The following TENM4 variants were observed in gnomAD, a reference collection of about 807,000 sequenced individuals.
TENM4 encodes the protein teneurin-4.
TENM4 carries 82 observed loss-of-function variants against 243.3 expected under a neutral mutation model. That is an observed-to-expected ratio of 0.34 (90% CI 0.28 to 0.40). The LOEUF is 0.40. Among genes scored for constraint, TENM4 ranks in the 10% least tolerant of loss-of-function variants. The pLI, the probability that TENM4 is intolerant of heterozygous loss-of-function variation, is 1.00. For missense variants in TENM4, 3,138 were observed against 3,673.3 expected, an observed-to-expected ratio of 0.85 and a Z score of 3.77; for synonymous variants, 1,412 against 1,456.3, an observed-to-expected ratio of 0.97 and a Z score of 0.69.
intron 19 of TENM4, among the ~76,000 whole-genome samples, chr11:78,742,717 C>T (rs996074522): frequency 2.0e-5 from 3 of 152,184 alleles, no homozygotes; most frequent in South Asian, 2.1e-4. Flanking sequence ...CCCTTGCCGA[C>T]GCCAACAAGG....
intron 4 of TENM4, among the ~76,000 whole-genome samples, chr11:79,084,322 C>T (rs751783482): frequency 1.2e-4 from 18 of 152,186 alleles, no homozygotes. Context: ...TTTCTTAGAA[C>T]ACTAAATATG....
intron 2 of TENM4, among the ~76,000 whole-genome samples, chr11:79,291,060 G>A (rs1326784516): frequency 6.6e-6 from 1 of 152,272 alleles, no homozygotes; most frequent in Admixed American, 6.5e-5. Context: ...GCCACTGCAA[G>A]AAAACCAGGG....
chr11:79,065,324 C>A (rs1324095788), intron 5 of TENM4, among the ~76,000 whole-genome samples: 3 of 152,198 alleles, frequency 2.0e-5, no homozygotes, highest in Admixed American at 2.0e-4. Flanking sequence ...GTCCTTGGGC[C>A]TGGTCATACT....
chr11:79,387,657 C>T (rs904810262), intron 1 of TENM4, among the ~76,000 whole-genome samples: 1 of 152,100 alleles, frequency 6.6e-6, no homozygotes, highest in Admixed American at 6.5e-5. Context: ...TTGAAACTCT[C>T]TAATATCCTC....
chr11:79,420,611 CA>C (rs1489816956), intron 1 of TENM4, among the ~76,000 whole-genome samples: 1 of 151,978 alleles, frequency 6.6e-6, no homozygotes, highest in East Asian at 1.9e-4. Flanking sequence ...AGACTTTCTG[CA>C]GCATGAAAAT....
intron 4 of TENM4, among the ~76,000 whole-genome samples, chr11:79,132,745 G>T (rs1168371472): frequency 6.6e-6 from 1 of 152,068 alleles, no homozygotes; most frequent in Non-Finnish European, 1.5e-5. Flanking sequence ...CTCTGAATGA[G>T]CACTGAGTCA....
chr11:78,677,729 T>C (rs1465577780), intron 29 of TENM4, among the ~76,000 whole-genome samples: 1 of 151,958 alleles, frequency 6.6e-6, no homozygotes, highest in Non-Finnish European at 1.5e-5. Flanking sequence ...AATATACATA[T>C]GATTTGAAAT....
intron 6 of TENM4, among the ~76,000 whole-genome samples, chr11:78,970,034 C>T (rs1216448106): frequency 1.3e-5 from 2 of 152,344 alleles, no homozygotes; most frequent in African/African-American, 2.4e-5. Flanking sequence ...ATAGGGCATT[C>T]AGTTGCTTCA....
intron 3 of TENM4, among the ~76,000 whole-genome samples, chr11:79,195,907 G>A (rs1462371790): frequency 6.6e-6 from 1 of 152,148 alleles, no homozygotes; most frequent in African/African-American, 2.4e-5. Context: ...AACTTGAATT[G>A]TATCTTCCAG....
chr11:79,153,470 C>CT (rs1205165757), intron 3 of TENM4, among the ~76,000 whole-genome samples: 1 of 149,602 alleles, frequency 6.7e-6, no homozygotes, highest in Non-Finnish European at 1.5e-5. Context: ...AGTCACCCAG[C>CT]AGAACAATCA....
At chr11:78,698,007 T>C (rs777569110) in intron 28 of TENM4, among the ~76,000 whole-genome samples, 11 of 152,204 alleles carry the variant, frequency 7.2e-5, no homozygotes, top group Non-Finnish European at 1.6e-4. Context: ...ACCTTGATTC[T>C]CCAAAACTGT....
At chr11:78,835,545 C>T (rs1190150180) in intron 12 of TENM4, among the ~76,000 whole-genome samples, 4 of 152,118 alleles carry the variant, frequency 2.6e-5, no homozygotes, top group African/African-American at 7.2e-5. Flanking sequence ...CAAAAAAAGC[C>T]AGCATGCTTT....
intron 1 of TENM4, among the ~76,000 whole-genome samples, chr11:79,324,511 C>T (rs147214318): frequency 6.6e-6 from 1 of 152,290 alleles, no homozygotes; most frequent in Non-Finnish European, 1.5e-5. Context: ...AGACATGAGC[C>T]ACTGTGCCTG....
chr11:79,120,585 C>T (rs1391405957), intron 4 of TENM4, among the ~76,000 whole-genome samples: 1 of 152,204 alleles, frequency 6.6e-6, no homozygotes, highest in Non-Finnish European at 1.5e-5. Flanking sequence ...ATGTCTTATG[C>T]AACATATGTA....
At chr11:79,292,570 C>T (rs1221809225) in intron 2 of TENM4, among the ~76,000 whole-genome samples, 2 of 152,204 alleles carry the variant, frequency 1.3e-5, no homozygotes, top group Non-Finnish European at 2.9e-5. Context: ...CATTAGAAGG[C>T]AATGGATTTG....
At chr11:79,143,162 G>C (rs185611880) in intron 4 of TENM4, among the ~76,000 whole-genome samples, 2,176 of 152,024 alleles carry the variant, frequency 0.014, 44 homozygotes, top group African/African-American at 0.048. Flanking sequence ...TTGACCCAGC[G>C]ATCCCATTAC....
intron 1 of TENM4, among the ~76,000 whole-genome samples, chr11:79,357,409 C>G (rs1362517895): frequency 6.6e-5 from 10 of 152,212 alleles, no homozygotes; most frequent in Non-Finnish European, 1.5e-4. Flanking sequence ...AAAACCTAAC[C>G]TGGGGACAAT....
intron 3 of TENM4, among the ~76,000 whole-genome samples, chr11:79,163,770 C>G (rs1591325261): frequency 8.4e-6 from 1 of 119,378 alleles, no homozygotes; most frequent in South Asian, 2.8e-4. Context: ...TATATATATA[C>G]ACACACATAC....
chr11:78,855,662 A>C lies in TENM4; in HGVS notation c.1470+302T>G, dbSNP rs559753883. Among the ~76,000 whole-genome samples, 4 of 152,324 alleles carry C rather than the reference A, an allele frequency of 2.6e-5. No individual in the cohort carries two copies. In the East Asian group the frequency reaches 7.7e-4, roughly 29 times the overall value. ...GAGGATTCAAACTCAGATCTGTCTG[A>C]TTCTAAACTGCATGCTTTTTTCTCT... On this transcript the variant is annotated intron_variant, in intron 11 of 33. Transcript: ENST00000278550.
Sources: gnomAD v4.1 joint callset for allele counts (sites outside exome capture counted in the v4.1 genomes callset) on GRCh38, gnomAD v4.1.1 for gene constraint, MANE v1.5 for transcripts, NCBI Gene and HGNC (gene_info 2026-07-23, HGNC 2026-07-21) for gene names.